The following TAS2R1 variants were observed in gnomAD, a reference collection of about 807,000 sequenced individuals.
TAS2R1 encodes the protein taste receptor type 2 member 1.
For synonymous variants in TAS2R1, 141 were observed against 134.2 expected (o/e 1.05, Z -0.35); for missense variants, 370 against 353.4 (o/e 1.05, Z -0.38).
At chr5:9,741,562 C>A in the TAS2R1 span, among the ~76,000 whole-genome samples, 1 of 152,118 alleles carries the variant, frequency 6.6e-6, no homozygotes, top group Non-Finnish European at 1.5e-5. Context: ...GAAAGATTTA[C>A]ATGAAATAAA....
chr5:9,873,890 G>A, the TAS2R1 span, among the ~76,000 whole-genome samples: 1 of 149,964 alleles, frequency 6.7e-6, no homozygotes, highest in Non-Finnish European at 1.5e-5. Flanking sequence ...AAAAAAGGAG[G>A]GGAGGGAAGA....
At chr5:9,903,492 A>T in the TAS2R1 span, 4 of 151,724 alleles carry the variant, frequency 2.6e-5, no homozygotes, top group South Asian at 4.2e-4. Context: ...CCTTTCCCCC[A>T]AGTCCCCAAA....
chr5:9,871,793 T>C, the TAS2R1 span, among the ~76,000 whole-genome samples: 18,164 of 152,248 alleles, frequency 0.12, 1,276 homozygotes, highest in Middle Eastern at 0.2. Flanking sequence ...CTAGTTGCCA[T>C]TGAGCATTTT....
chr5:9,725,353 G>T, the TAS2R1 span, among the ~76,000 whole-genome samples: 39 of 152,378 alleles, frequency 2.6e-4, no homozygotes, highest in African/African-American at 8.9e-4. Context: ...GAGCTTGTGG[G>T]CCAGTGGGAG....
the TAS2R1 span, among the ~76,000 whole-genome samples, chr5:9,810,942 C>A: frequency 2.6e-5 from 4 of 152,154 alleles, no homozygotes; most frequent in Non-Finnish European, 4.4e-5. Context: ...TGGCTGAAGA[C>A]CCCCAGCTAT....
At chr5:9,718,645 A>C in the TAS2R1 span, among the ~76,000 whole-genome samples, 1 of 152,124 alleles carries the variant, frequency 6.6e-6, no homozygotes, top group Non-Finnish European at 1.5e-5. Flanking sequence ...AAACAAAACA[A>C]ATCAAATCAG....
At chr5:9,773,012 A>G in the TAS2R1 span, among the ~76,000 whole-genome samples, 5 of 152,038 alleles carry the variant, frequency 3.3e-5, no homozygotes, top group African/African-American at 1.2e-4. Context: ...TACCAATGTT[A>G]TTATTGATAA....
At chr5:9,882,718 T>A in the TAS2R1 span, among the ~76,000 whole-genome samples, 4 of 152,194 alleles carry the variant, frequency 2.6e-5, no homozygotes, top group Admixed American at 6.5e-5. Context: ...TTTTACACTG[T>A]TGGTGAGATT....
chr5:9,840,831 T>C, the TAS2R1 span, among the ~76,000 whole-genome samples: 2 of 133,266 alleles, frequency 1.5e-5, no homozygotes, highest in African/African-American at 2.7e-5. Flanking sequence ...TTTTTCATTT[T>C]ATTTTATTTA....
chr5:9,678,529 C>T (rs1740924523), intron 1 of TAS2R1, among the ~76,000 whole-genome samples: 1 of 152,104 alleles, frequency 6.6e-6, no homozygotes. Flanking sequence ...ATGGAATCAA[C>T]CCAAATGCCC....
chr5:9,874,784 C>G, the TAS2R1 span, among the ~76,000 whole-genome samples: 1 of 152,122 alleles, frequency 6.6e-6, no homozygotes. Context: ...CTCTTTCAAC[C>G]CATCTTTTTC....
the TAS2R1 span, among the ~76,000 whole-genome samples, chr5:9,808,623 G>C: frequency 6.6e-6 from 1 of 152,048 alleles, no homozygotes; most frequent in Non-Finnish European, 1.5e-5. Flanking sequence ...GCAAGAAATG[G>C]GATTAGCAAA....
the TAS2R1 span, among the ~76,000 whole-genome samples, chr5:9,847,943 G>A: frequency 2.0e-5 from 3 of 152,292 alleles, no homozygotes; most frequent in Non-Finnish European, 2.9e-5. Context: ...TGTCAGACAC[G>A]CAAATTCCTG....
the TAS2R1 span, among the ~76,000 whole-genome samples, chr5:9,902,475 T>C: frequency 6.6e-6 from 1 of 152,030 alleles, no homozygotes; most frequent in African/African-American, 2.4e-5. Context: ...GCTTTCAATT[T>C]CTGGTCCAGC....
the TAS2R1 span, among the ~76,000 whole-genome samples, chr5:9,767,580 C>T: frequency 6.6e-6 from 1 of 152,162 alleles, no homozygotes; most frequent in African/African-American, 2.4e-5. Context: ...CCTCAGCAGG[C>T]CTCCTGACCC....
chr5:9,765,044 T>G, the TAS2R1 span, among the ~76,000 whole-genome samples: 1 of 152,136 alleles, frequency 6.6e-6, no homozygotes, highest in Middle Eastern at 3.2e-3. Context: ...TGAACCCAGT[T>G]ACGTTAAAAT....
At chr5:9,851,045 T>C in the TAS2R1 span, among the ~76,000 whole-genome samples, 1 of 152,184 alleles carries the variant, frequency 6.6e-6, no homozygotes, top group African/African-American at 2.4e-5. Context: ...TTAAGGCATT[T>C]TTCAGGAGCA....
At chr5:9,738,608 G>A in the TAS2R1 span, among the ~76,000 whole-genome samples, 4 of 152,200 alleles carry the variant, frequency 2.6e-5, no homozygotes, top group Admixed American at 2.6e-4. Context: ...CTATTTTTGG[G>A]AGGCCCTCGT....
At chr5:9,659,329 T>A (rs908931213) in intron 2 of TAS2R1, 2 of 152,050 alleles carry the variant, frequency 1.3e-5, no homozygotes, top group South Asian at 4.1e-4. Context: ...TGCTTTCACA[T>A]CCCCAATTAT....
Sources: allele counts gnomAD v4.1 joint callset (sites outside exome capture counted in the v4.1 genomes callset), GRCh38; gene constraint gnomAD v4.1.1; transcripts MANE v1.5; gene names NCBI Gene and HGNC (gene_info 2026-07-23, HGNC 2026-07-21).